The following PSMA6 variants were observed in gnomAD, a reference collection of about 807,000 sequenced individuals.
PSMA6 encodes the protein proteasome subunit alpha type-6.
For synonymous variants in PSMA6, 88 were observed against 97.7 expected, an observed-to-expected ratio of 0.90 and a Z score of 0.59; for missense variants, 170 against 294.8, an observed-to-expected ratio of 0.58 and a Z score of 3.10.
In PSMA6 at chr14:35,308,985, C is replaced by T. The variant is rs145545043; in HGVS notation, c.243C>T (p.Thr81=). The change falls in exon 3 of 7, where the codon ACC becomes ACT. Residue 81 remains threonine, a synonymous_variant. Transcript: ENST00000261479. ...CTGAAAACATTGGTTGTGTGATGACCGGAATGACAGGTAATTAATCTGTAG... is the reference window on the plus strand; with the variant it reads ...CTGAAAACATTGGTTGTGTGATGACTGGAATGACAGGTAATTAATCTGTAG... The part of the protein sequence containing the change: ...KITENIGCVM[T]GMTADSRSQV... The T allele has an allele frequency of 9.9e-5, 159 of 1,601,214 alleles. No individual in the cohort carries two copies. The African/African-American group carries it at 1.4e-3, about 15-fold the overall frequency.
At chr14:35,283,894 T>G (rs2051394984) in intron 1 of PSMA6, among the ~76,000 whole-genome samples, 1 of 152,058 alleles carries the variant, frequency 6.6e-6, no homozygotes. Context: ...TTGCAGATAA[T>G]CTCTTCTTTC....
At chr14:35,279,704 T>C (rs1156594077) in intron 1 of PSMA6, among the ~76,000 whole-genome samples, 4 of 152,230 alleles carry the variant, frequency 2.6e-5, no homozygotes, top group South Asian at 2.1e-4. Flanking sequence ...AATTGCTGCT[T>C]TACACAGATA....
chr14:35,306,772 A>G (rs2051834398), intron 1 of PSMA6, among the ~76,000 whole-genome samples: 1 of 152,188 alleles, frequency 6.6e-6, no homozygotes, highest in African/African-American at 2.4e-5. Context: ...TTTGTAAGCT[A>G]CTATTTTGAT....
At chr14:35,292,349 A>C (rs71640265), upstream of PSMA6, 13 of 1,520,896 alleles carry the variant, frequency 8.5e-6, no homozygotes, top group South Asian at 2.6e-5. Context: ...TGAGTTCGGC[A>C]TGCAAGAGCG....
rs550643191 is a variant in PSMA6 at position 35,296,456 on chromosome 14, G to A, written c.76+3904G>A. Reference sequence around the variant, plus strand: ...AGTGATTCTCCTGCCTCAGCCTCCCGAGTAGCTGGGATTACAGGCGCCTGC... The same window carrying A: ...AGTGATTCTCCTGCCTCAGCCTCCCAAGTAGCTGGGATTACAGGCGCCTGC... On this transcript the variant is annotated intron_variant, in intron 1 of 6. Coordinates refer to ENST00000261479, the MANE Select transcript of PSMA6 (RefSeq NM_002791.3). Among the ~76,000 whole-genome samples the A allele has an allele frequency of 3.3e-5, 5 of 152,060 alleles. No homozygotes were observed. The South Asian group carries it at 8.3e-4, about 25-fold the overall frequency.
chr14:35,305,912 A>G (rs7158019), intron 1 of PSMA6, among the ~76,000 whole-genome samples: 16,417 of 152,048 alleles, frequency 0.11, 944 homozygotes, highest in Middle Eastern at 0.16. Flanking sequence ...GCAAGACCCC[A>G]TATCTATTTT....
chr14:35,300,876 C>T (rs1242140124), intron 1 of PSMA6, among the ~76,000 whole-genome samples: 2 of 152,048 alleles, frequency 1.3e-5, no homozygotes, highest in Non-Finnish European at 2.9e-5. Context: ...GTTAGTAATA[C>T]AATTATGAAA....
At chr14:35,312,112 T>G (rs567213504) in intron 4 of PSMA6, among the ~76,000 whole-genome samples, 38 of 147,436 alleles carry the variant, frequency 2.6e-4, no homozygotes, top group Non-Finnish European at 4.7e-4. Context: ...ACACTTATAA[T>G]CCCAGCACTT....
chr14:35,303,084 T>C (rs991291583), intron 1 of PSMA6, among the ~76,000 whole-genome samples: 2 of 152,204 alleles, frequency 1.3e-5, no homozygotes, highest in Non-Finnish European at 2.9e-5. Flanking sequence ...TGTTTTTTGG[T>C]ATATTGAGAG....
chr14:35,294,049 T>A (rs1256815706), intron 1 of PSMA6, among the ~76,000 whole-genome samples: 1 of 152,216 alleles, frequency 6.6e-6, no homozygotes, highest in African/African-American at 2.4e-5. Flanking sequence ...TTTTTATTTA[T>A]TTTTATTTTT....
intron 1 of PSMA6, among the ~76,000 whole-genome samples, chr14:35,295,832 C>T (rs17537213): frequency 0.058 from 8,808 of 152,246 alleles, 335 homozygotes; most frequent in Middle Eastern, 0.11. Context: ...GAACACCTAG[C>T]TTTGTAATCT....
chr14:35,311,024 T>A, intron 4 of PSMA6, 129 bp downstream of exon 4: 1 of 885,810 alleles, frequency 1.1e-6, no homozygotes, highest in Non-Finnish European at 1.7e-6. Flanking sequence ...AGTGGGAAAA[T>A]CTTTATAATA....
intron 2 of PSMA6, 85 bp from the exon 3 acceptor site, chr14:35,308,829 C>T (rs895446931): frequency 1.4e-5 from 13 of 937,426 alleles, no homozygotes; most frequent in Middle Eastern, 2.3e-4. Context: ...AGAAGCAGGG[C>T]AAATTAAAAA....
intron 1 of PSMA6, among the ~76,000 whole-genome samples, chr14:35,286,673 A>G (rs1386358346): frequency 6.6e-6 from 1 of 152,182 alleles, no homozygotes; most frequent in Non-Finnish European, 1.5e-5. Context: ...TTGAAGTGAT[A>G]CAAGTTTATT....
At chr14:35,310,994 G>T in intron 4 of PSMA6, 99 bp downstream of exon 4, 1 of 1,233,574 alleles carries the variant, frequency 8.1e-7, no homozygotes, top group South Asian at 1.5e-5. Context: ...TTCTGAACAT[G>T]TGGTTTGGAA....
At chr14:35,292,276 A>C (rs1594376588), upstream of PSMA6, 2 of 1,384,138 alleles carry the variant, frequency 1.4e-6, no homozygotes, top group Non-Finnish European at 1.9e-6. Flanking sequence ...TCCCGCCCTC[A>C]CTCCACCACC....
At chr14:35,289,714 G>A (rs1006878232), upstream of PSMA6, among the ~76,000 whole-genome samples, 3 of 152,086 alleles carry the variant, frequency 2.0e-5, no homozygotes, top group African/African-American at 7.2e-5. Context: ...GAGGCCAGGA[G>A]TTTGAGGCTG....
intron 1 of PSMA6, 41 bp from the exon 2 acceptor site, chr14:35,307,953 G>A (rs2138745081): frequency 6.4e-7 from 1 of 1,573,724 alleles, no homozygotes; most frequent in Non-Finnish European, 8.7e-7. Context: ...AGAATCTACA[G>A]TAATTTATTC....
At chr14:35,298,715 T>A (rs138087935) in intron 1 of PSMA6, among the ~76,000 whole-genome samples, 118 of 149,272 alleles carry the variant, frequency 7.9e-4, no homozygotes, top group Non-Finnish European at 1.4e-3. Flanking sequence ...ACTATTATTT[T>A]TATCTTTATT....
Sources: gnomAD v4.1 joint callset for allele counts (sites outside exome capture counted in the v4.1 genomes callset) on GRCh38, gnomAD v4.1.1 for gene constraint, MANE v1.5 for transcripts, NCBI Gene and HGNC (gene_info 2026-07-23, HGNC 2026-07-21) for gene names.